CNTNAP2: variants seen among roughly 807,000 people sequenced by gnomAD.
The protein encoded by CNTNAP2 is contactin associated protein 2.
Under a neutral mutation model 155.2 loss-of-function variants are expected in CNTNAP2, and 98 were observed. The observed-to-expected ratio is 0.63, with a 90% CI of 0.54 to 0.75. The LOEUF is 0.75. Among genes scored for constraint, CNTNAP2 ranks in the 30% least tolerant of loss-of-function variants. The pLI is 0.00. For missense variants in CNTNAP2, 1,727 were observed against 1,688.1 expected (o/e 1.02, Z -0.40); for synonymous variants, 651 against 631.2 (o/e 1.03, Z -0.47).
intron 12 of CNTNAP2, among the ~76,000 whole-genome samples, chr7:147,637,522 C>G (rs1795200680): frequency 6.6e-6 from 1 of 152,156 alleles, no homozygotes. Context: ...AGCACGCTCT[C>G]TCTTGCGCTC....
intron 9 of CNTNAP2, among the ~76,000 whole-genome samples, chr7:147,350,172 A>G (rs1421853841): frequency 6.6e-6 from 1 of 151,916 alleles, no homozygotes; most frequent in Non-Finnish European, 1.5e-5. Flanking sequence ...CACGTTTGTT[A>G]TTTAGTAAAA....
intron 3 of CNTNAP2, among the ~76,000 whole-genome samples, chr7:146,929,257 C>T (rs1036113682): frequency 1.3e-5 from 2 of 152,170 alleles, no homozygotes; most frequent in Non-Finnish European, 2.9e-5. Context: ...GAGGAATGAT[C>T]AGACAGCAGC....
chr7:148,345,312 T>C (rs1167703110), intron 21 of CNTNAP2, among the ~76,000 whole-genome samples: 1 of 152,092 alleles, frequency 6.6e-6, no homozygotes, highest in African/African-American at 2.4e-5. Flanking sequence ...CCACAGCATC[T>C]GGACGAATAC....
intron 1 of CNTNAP2, among the ~76,000 whole-genome samples, chr7:146,567,631 C>A (rs926495098): frequency 6.6e-6 from 1 of 152,134 alleles, no homozygotes; most frequent in Non-Finnish European, 1.5e-5. Context: ...TATCAGAAAA[C>A]CCACTAAATT....
chr7:148,146,622 G>A (rs1805183886), intron 16 of CNTNAP2, among the ~76,000 whole-genome samples: 1 of 152,160 alleles, frequency 6.6e-6, no homozygotes, highest in African/African-American at 2.4e-5. Context: ...CAACCCAGAT[G>A]GGGAATAACC....
At chr7:147,498,944 T>C (rs752521578) in intron 11 of CNTNAP2, among the ~76,000 whole-genome samples, 17 of 143,264 alleles carry the variant, frequency 1.2e-4, no homozygotes, top group Admixed American at 2.0e-4. Context: ...TCACATGTGG[T>C]AATAAAAAAA....
At chr7:146,225,783 T>C (rs1584811726) in intron 1 of CNTNAP2, among the ~76,000 whole-genome samples, 1 of 152,348 alleles carries the variant, frequency 6.6e-6, no homozygotes. Context: ...TCCACAGTCA[T>C]TTAATCTGCC....
At chr7:146,493,847 T>C (rs1350759934) in intron 1 of CNTNAP2, among the ~76,000 whole-genome samples, 1 of 152,142 alleles carries the variant, frequency 6.6e-6, no homozygotes, top group Non-Finnish European at 1.5e-5. Flanking sequence ...TGAGGAAACA[T>C]TAAATTAGGT....
intron 12 of CNTNAP2, among the ~76,000 whole-genome samples, chr7:147,609,921 C>T (rs959094993): frequency 6.6e-6 from 1 of 151,972 alleles, no homozygotes; most frequent in African/African-American, 2.4e-5. Flanking sequence ...TGGCCCAGAG[C>T]ATAGGGGATA....
At chr7:146,160,503 T>C (rs1240166208) in intron 1 of CNTNAP2, among the ~76,000 whole-genome samples, 1 of 151,998 alleles carries the variant, frequency 6.6e-6, no homozygotes, top group Non-Finnish European at 1.5e-5. Flanking sequence ...ATAGATGCAA[T>C]AAAAAATGAT....
At position 148,416,887 on chromosome 7, in the gene CNTNAP2, TCTTA is replaced by T. The variant is rs934918818; in HGVS notation, c.*1272_*1275del. ...ATGGAGAAGTGTAGTTAATCACACC[TCTTA>T]GTTTAATCTGAAATCTTGACCCAGT... On this transcript the variant is annotated 3_prime_UTR_variant, in exon 24 of 24. Coordinates refer to ENST00000361727, the MANE Select transcript of CNTNAP2 (RefSeq NM_014141.6). The T allele has an allele frequency of 1.3e-5, 2 of 151,342 alleles. No homozygotes were observed. The highest frequency in any genetic ancestry group is 5.0e-5 in the African/African-American group (2 of 40,258). 9.4% of individuals were successfully genotyped at this position (151,342 alleles called of 1,614,324 possible). A position where few individuals can be genotyped will look rare whatever the true frequency, so the allele number is the denominator to read the frequency against.
intron 1 of CNTNAP2, among the ~76,000 whole-genome samples, chr7:146,520,163 A>G (rs1797597030): frequency 6.6e-6 from 1 of 151,246 alleles, no homozygotes; most frequent in African/African-American, 2.4e-5. Context: ...AATAAAAAAG[A>G]TATATCCTAA....
At chr7:146,333,834 C>T (rs898028277) in intron 1 of CNTNAP2, among the ~76,000 whole-genome samples, 10 of 152,180 alleles carry the variant, frequency 6.6e-5, no homozygotes, top group African/African-American at 9.7e-5. Flanking sequence ...CTTCTAGGAT[C>T]ACCATGCTTA....
At chr7:146,519,607 G>A (rs1224353688) in intron 1 of CNTNAP2, among the ~76,000 whole-genome samples, 1 of 151,838 alleles carries the variant, frequency 6.6e-6, no homozygotes, top group East Asian at 1.9e-4. Context: ...CCATTTTGTA[G>A]TTCATTGTTG....
chr7:148,409,083 T>C (rs1053055415), intron 22 of CNTNAP2, among the ~76,000 whole-genome samples: 3 of 152,192 alleles, frequency 2.0e-5, no homozygotes, highest in Admixed American at 2.0e-4. Flanking sequence ...AGAAACATAT[T>C]CAAATGCATA....
intron 3 of CNTNAP2, among the ~76,000 whole-genome samples, chr7:147,027,018 C>CA (rs1297907328): frequency 5.9e-5 from 6 of 101,424 alleles, no homozygotes; most frequent in Admixed American, 2.6e-4. Context: ...AAAAAAAAAA[C>CA]AAAAAAAAGA....
chr7:147,630,316 T>TAAAAAAAAAAAAAAAAAA (rs71183024), intron 12 of CNTNAP2, among the ~76,000 whole-genome samples: 1 of 73,076 alleles, frequency 1.4e-5, no homozygotes, highest in African/African-American at 4.2e-5. Flanking sequence ...GAAACAGTAG[T>TAAAAAAAAAAAAAAAAAA]AAAAAAAAAA....
At chr7:146,979,908 T>A (rs1797981498) in intron 3 of CNTNAP2, among the ~76,000 whole-genome samples, 1 of 152,238 alleles carries the variant, frequency 6.6e-6, no homozygotes, top group Non-Finnish European at 1.5e-5. Context: ...TAATATTTAG[T>A]TTAACCTAAG....
intron 21 of CNTNAP2, among the ~76,000 whole-genome samples, chr7:148,331,123 G>T (rs1282522566): frequency 6.7e-6 from 1 of 148,872 alleles, no homozygotes; most frequent in African/African-American, 2.5e-5. Context: ...TCAATGGATG[G>T]GATGGGTGGA....
Sources: allele counts gnomAD v4.1 joint callset (sites outside exome capture counted in the v4.1 genomes callset), GRCh38; gene constraint gnomAD v4.1.1; transcripts MANE v1.5; gene names NCBI Gene and HGNC (gene_info 2026-07-23, HGNC 2026-07-21).